The following AP1B1 variants were observed in gnomAD, a reference collection of about 807,000 sequenced individuals.
AP1B1 encodes the protein adaptor related protein complex 1 subunit beta 1.
AP1B1 carries 36 observed loss-of-function variants against 104.3 expected under a neutral mutation model. The observed-to-expected ratio is 0.35, with a 90% CI of 0.26 to 0.46. The LOEUF is 0.46. AP1B1 is among the 20% of genes least tolerant of loss of function. AP1B1 has a pLI of 1.00. For missense variants in AP1B1, 901 were observed against 1,247.9 expected (o/e 0.72, Z 4.19); for synonymous variants, 504 against 517.5 (o/e 0.97, Z 0.35).
chr22:29,338,281 C>G (rs2061666238), intron 16 of AP1B1, among the ~76,000 whole-genome samples: 1 of 152,224 alleles, frequency 6.6e-6, no homozygotes, highest in Non-Finnish European at 1.5e-5. Context: ...CTTTATCTTA[C>G]TCCAAACCTT....
In AP1B1 at chr22:29,382,347, A is replaced by G. The variant is rs1335990360; in HGVS notation, c.-28+6077T>C. ...CAGGCATGAGCCACGGCACCTGGCC[A>G]TGCATGTACAACCTTAAGAAGGTAT... On this transcript the variant is annotated intron_variant, in intron 1 of 22. Coordinates refer to ENST00000357586, the MANE Select transcript of AP1B1 (RefSeq NM_001127.4). 2.0e-5 allele frequency among the ~76,000 whole-genome samples: 3 copies of G among 152,312 alleles called. No homozygotes were observed. In the South Asian group the frequency reaches 6.2e-4, roughly 32 times the overall value.
At chr22:29,353,322 G>C (rs1250472539) in intron 7 of AP1B1, among the ~76,000 whole-genome samples, 2 of 152,206 alleles carry the variant, frequency 1.3e-5, no homozygotes, top group Non-Finnish European at 2.9e-5. Flanking sequence ...GGAGAGGCAA[G>C]ACCCCGAGCT....
At chr22:29,359,640 T>C (rs2062012635) in intron 4 of AP1B1, 184 bp downstream of exon 4, 2 of 687,388 alleles carry the variant, frequency 2.9e-6, no homozygotes, top group Non-Finnish European at 4.7e-6. Flanking sequence ...GCAGGGTCCT[T>C]AGCATCTGAT....
intron 11 of AP1B1, among the ~76,000 whole-genome samples, chr22:29,344,514 ATTTTTTTTTT>A (rs35466454): frequency 1.3e-4 from 12 of 93,798 alleles, no homozygotes; most frequent in African/African-American, 4.5e-4. Flanking sequence ...CCTGGCCAAG[ATTTTTTTTTT>A]TTTTTTTTTT....
At chr22:29,330,576 G>C (rs908539007) in intron 20 of AP1B1, 44 bp from the exon 21 acceptor site, 2 of 1,612,970 alleles carry the variant, frequency 1.2e-6, no homozygotes, top group Non-Finnish European at 1.7e-6. Flanking sequence ...CAGCGCGGGG[G>C]CCTGGGTACA....
At chr22:29,381,151 T>C (rs542796135) in intron 1 of AP1B1, among the ~76,000 whole-genome samples, 1 of 152,314 alleles carries the variant, frequency 6.6e-6, no homozygotes, top group South Asian at 2.1e-4. Context: ...CTCACCTCTT[T>C]AGGTCTTGGC....
chr22:29,338,756 A>T (rs368849824), intron 16 of AP1B1, among the ~76,000 whole-genome samples: 19 of 152,088 alleles, frequency 1.2e-4, no homozygotes, highest in East Asian at 9.6e-4. Flanking sequence ...CTTGGTCTGG[A>T]GCCCCTATCC....
rs778723802 is a variant in AP1B1, at chr22:29,340,853, C to T, written c.1801G>A (p.Glu601Lys). ...GCTGTCTCAGGGCTCTCTGCGCTCT[C>T]ACTCCTGCCGGGACACAGAAGTAGG... Reference protein sequence around the residue: ...KSLPPRTASSESAESPETAPT... With the variant: ...KSLPPRTASSKSAESPETAPT... Residue 601 changes from glutamate to lysine, a missense_variant, in exon 14 of 23, where the codon GAG (glutamate) becomes AAG (lysine). Glu to Lys is a moderately conservative substitution (Grantham distance 56, BLOSUM62 1). Transcript: ENST00000357586. The T allele has an allele frequency of 6.3e-7, 1 of 1,591,520 alleles. No homozygotes were observed. The highest frequency in any genetic ancestry group is 1.1e-5 in the South Asian group (1 of 86,976).
intron 22 of AP1B1, chr22:29,329,162 G>C: frequency 1.6e-6 from 2 of 1,289,220 alleles, no homozygotes; most frequent in South Asian, 1.7e-5. Context: ...TGAGTCACGA[G>C]CCGGAGGCTG....
chr22:29,376,827 C>T (rs2062350395), intron 1 of AP1B1, among the ~76,000 whole-genome samples: 1 of 152,164 alleles, frequency 6.6e-6, no homozygotes, highest in Non-Finnish European at 1.5e-5. Flanking sequence ...TGTGTACCTG[C>T]TCCCACAAAG....
At chr22:29,375,993 A>G (rs963081709) in intron 1 of AP1B1, among the ~76,000 whole-genome samples, 1 of 152,126 alleles carries the variant, frequency 6.6e-6, no homozygotes, top group African/African-American at 2.4e-5. Flanking sequence ...CTCACATTCT[A>G]TGATTCTCTG....
At chr22:29,341,480 C>T (rs1602707950) in intron 13 of AP1B1, 21 bp downstream of exon 13, 4 of 1,602,180 alleles carry the variant, frequency 2.5e-6, no homozygotes, top group Non-Finnish European at 3.4e-6. Flanking sequence ...AGGCGCAGGC[C>T]GACTGGCCAG....
intron 12 of AP1B1, among the ~76,000 whole-genome samples, 154 bp downstream of exon 12, chr22:29,342,131 G>A (rs1359681164): frequency 6.6e-6 from 1 of 152,272 alleles, no homozygotes; most frequent in Non-Finnish European, 1.5e-5. Context: ...CTGAAGGCAG[G>A]GAGCTTGGGT....
chr22:29,350,738 G>A (rs367853472), intron 9 of AP1B1, among the ~76,000 whole-genome samples: 15 of 152,158 alleles, frequency 9.9e-5, no homozygotes, highest in South Asian at 4.1e-4. Flanking sequence ...GAGAAAGGAC[G>A]GGGATAAAAT....
In AP1B1 at chr22:29,351,158, C is replaced by A; in HGVS notation, c.1155+13G>T. On this transcript the variant is annotated intron_variant, in intron 9 of 22. Transcript: ENST00000357586. The stretch of plus-strand genomic sequence containing the variant: ...TTCCTTCTCCAGCCAAGGACAGAGT[C>A]CCAGAGCCTCACCTCCACCTTGATG... The A allele has an allele frequency of 6.2e-7, 1 of 1,604,474 alleles. No individual in the cohort carries two copies. Among genetic ancestry groups the A allele is most frequent in the South Asian group, 1.1e-5 (1 of 90,612 alleles).
chr22:29,331,603 C>A, intron 18 of AP1B1, 70 bp from the exon 19 acceptor site: 2 of 1,593,280 alleles, frequency 1.3e-6, no homozygotes, highest in South Asian at 1.1e-5. Flanking sequence ...GGAAGAGTGT[C>A]ACTGAGCAGA....
intron 8 of AP1B1, 153 bp from the exon 9 acceptor site, chr22:29,351,419 C>T (rs774746226): frequency 2.4e-5 from 23 of 974,930 alleles, no homozygotes; most frequent in Non-Finnish European, 3.3e-5. Context: ...CTGGCAGGTG[C>T]CTGAAAAGGA....
intron 7 of AP1B1, 90 bp from the exon 8 acceptor site, chr22:29,351,915 G>T: frequency 6.6e-7 from 1 of 1,513,616 alleles, no homozygotes. Flanking sequence ...ACATTTCTGG[G>T]GTCTGAGGTG....
chr22:29,331,681 C>G lies in AP1B1; in HGVS notation c.2439+106G>C. Reference sequence around the variant, plus strand: ...CCCAACCTGGGCCTCCCCAACACATCTGCAGCTAAGAGCATGACTCCGCAG... The same window carrying G: ...CCCAACCTGGGCCTCCCCAACACATGTGCAGCTAAGAGCATGACTCCGCAG... On this transcript the variant is annotated intron_variant, in intron 18 of 22. Transcript: ENST00000357586. The G allele has an allele frequency of 3.1e-6, 5 of 1,602,178 alleles. No individual in the cohort carries two copies. In the South Asian group the frequency reaches 5.5e-5, roughly 18 times the overall value.
Sources: allele counts gnomAD v4.1 joint callset (sites outside exome capture counted in the v4.1 genomes callset), GRCh38; gene constraint gnomAD v4.1.1; transcripts MANE v1.5; gene names NCBI Gene and HGNC (gene_info 2026-07-23, HGNC 2026-07-21).